Variants in MCF2L2 observed in about 807,000 individuals in gnomAD.
MCF2L2 encodes the protein probable guanine nucleotide exchange factor MCF2L2.
MCF2L2 carries 102 observed loss-of-function variants against 150.2 expected under a neutral mutation model. The observed-to-expected ratio is 0.68, with a 90% CI of 0.58 to 0.80. The LOEUF (loss-of-function observed/expected upper bound fraction) is 0.80, where lower values mean the gene tolerates loss of function less well. Ranked by LOEUF, MCF2L2 falls within the 30% of genes least tolerant of loss-of-function variation. The pLI is 0.00. For synonymous variants in MCF2L2, 465 were observed against 491.3 expected, an observed-to-expected ratio of 0.95 and a Z score of 0.71; for missense variants, 1,256 against 1,372.8, an observed-to-expected ratio of 0.91 and a Z score of 1.34.
rs143744328 is a variant in MCF2L2, at chr3:183,349,146, A to G, written c.276-7516T>C. Among the ~76,000 whole-genome samples the G allele has an allele frequency of 8.5e-3, 1,301 of 152,358 alleles. 11 individuals are homozygous for G. The highest frequency in any genetic ancestry group is 0.034 in the Middle Eastern group (10 of 294). On this transcript the variant is annotated intron_variant, in intron 3 of 29. Transcript: ENST00000328913. ...GTGCACTTCTGATCACCATGGAATT[A>G]AACTGGAACTCTACTATTCCTCTCT... is the stretch of plus-strand genomic sequence containing the variant.
intron 8 of MCF2L2, 93 bp downstream of exon 8, chr3:183,311,555 A>G (rs942104278): frequency 1.4e-6 from 2 of 1,436,156 alleles, no homozygotes; most frequent in Non-Finnish European, 1.9e-6. Context: ...CCAAGACCCA[A>G]TATTGGCTGT....
intron 15 of MCF2L2, among the ~76,000 whole-genome samples, chr3:183,248,218 C>T (rs1724346109): frequency 6.6e-6 from 1 of 151,958 alleles, no homozygotes; most frequent in Non-Finnish European, 1.5e-5. Flanking sequence ...TCTGCAGAGC[C>T]AATTAGGTAT....
intron 15 of MCF2L2, among the ~76,000 whole-genome samples, chr3:183,234,743 T>A (rs1361613400): frequency 7.9e-6 from 1 of 126,610 alleles, no homozygotes; most frequent in East Asian, 2.3e-4. Flanking sequence ...CATGTGCACA[T>A]TGTGCAGGTT....
chr3:183,352,993 G>A (rs573155289), intron 3 of MCF2L2, among the ~76,000 whole-genome samples: 1 of 152,266 alleles, frequency 6.6e-6, no homozygotes, highest in Admixed American at 6.5e-5. Context: ...TCCGCTTCGA[G>A]GTAACGATGA....
intron 15 of MCF2L2, among the ~76,000 whole-genome samples, chr3:183,234,077 G>A (rs942440706): frequency 7.2e-5 from 11 of 152,060 alleles, no homozygotes; most frequent in Non-Finnish European, 1.2e-4. Flanking sequence ...TAAATCACCC[G>A]GAAACAACAA....
At chr3:183,357,518 C>T (rs1167446939) in intron 3 of MCF2L2, among the ~76,000 whole-genome samples, 2 of 152,170 alleles carry the variant, frequency 1.3e-5, no homozygotes, top group East Asian at 1.9e-4. Flanking sequence ...TCAGCACTGA[C>T]GTGACACCAA....
At chr3:183,410,349 C>T (rs531425116) in intron 1 of MCF2L2, among the ~76,000 whole-genome samples, 11 of 152,280 alleles carry the variant, frequency 7.2e-5, no homozygotes, top group Non-Finnish European at 1.5e-4. Flanking sequence ...CATATTGGGC[C>T]TTGAACTCCC....
At chr3:183,327,442 G>A (rs762822272) in intron 5 of MCF2L2, among the ~76,000 whole-genome samples, 28 of 152,290 alleles carry the variant, frequency 1.8e-4, no homozygotes, top group Non-Finnish European at 3.4e-4. Flanking sequence ...CACAAAGGAC[G>A]GCAAAAACTA....
chr3:183,332,012 C>G (rs139359781), intron 5 of MCF2L2, among the ~76,000 whole-genome samples: 2 of 152,126 alleles, frequency 1.3e-5, no homozygotes, highest in Non-Finnish European at 2.9e-5. Context: ...TCCTTTCCCC[C>G]CAACACGTGA....
intron 6 of MCF2L2, among the ~76,000 whole-genome samples, chr3:183,320,854 G>A (rs1232855106): frequency 2.0e-5 from 3 of 152,106 alleles, no homozygotes; most frequent in African/African-American, 7.2e-5. Context: ...AAGCTTAATC[G>A]TTTCAAGCTT....
chr3:183,377,443 T>A (rs1713253991), intron 3 of MCF2L2: 1 of 152,176 alleles, frequency 6.6e-6, no homozygotes, highest in Non-Finnish European at 1.5e-5. Context: ...ACAAATACCA[T>A]TTGTTTGGAA....
chr3:183,302,182 A>G (rs969112386), intron 10 of MCF2L2, among the ~76,000 whole-genome samples: 1 of 152,170 alleles, frequency 6.6e-6, no homozygotes, highest in Non-Finnish European at 1.5e-5. Context: ...GATTCTAAGA[A>G]GCTTGTGCCT....
At chr3:183,264,762 G>A (rs1354143982) in intron 15 of MCF2L2, among the ~76,000 whole-genome samples, 1 of 152,180 alleles carries the variant, frequency 6.6e-6, no homozygotes, top group Non-Finnish European at 1.5e-5. Context: ...GATTATTGCA[G>A]GGAAACTTGT....
intron 14 of MCF2L2, among the ~76,000 whole-genome samples, chr3:183,282,606 A>G (rs915228977): frequency 1.3e-5 from 2 of 152,220 alleles, no homozygotes; most frequent in Non-Finnish European, 1.5e-5. Flanking sequence ...AAAGGCAGTA[A>G]GTGTGCCAAG....
At chr3:183,349,718 G>C (rs990067679) in intron 3 of MCF2L2, among the ~76,000 whole-genome samples, 1 of 152,178 alleles carries the variant, frequency 6.6e-6, no homozygotes, top group Non-Finnish European at 1.5e-5. Flanking sequence ...AGAATAACTT[G>C]CCTGATATCA....
intron 25 of MCF2L2, among the ~76,000 whole-genome samples, chr3:183,202,236 T>G (rs1362109225): frequency 6.6e-6 from 1 of 152,192 alleles, no homozygotes; most frequent in Non-Finnish European, 1.5e-5. Context: ...ATGTGAAAAG[T>G]CTTTTCCCCA....
chr3:183,361,020 A>AAAGAG (rs1712136516), intron 3 of MCF2L2, among the ~76,000 whole-genome samples: 1 of 126,582 alleles, frequency 7.9e-6, no homozygotes, highest in African/African-American at 3.2e-5. Flanking sequence ...AAAGAAAAGA[A>AAAGAG]AAGAGAAAAG....
chr3:183,421,619 T>G lies in MCF2L2; in HGVS notation c.76+6283A>C, dbSNP rs114683214. Among the ~76,000 whole-genome samples, 691 of 152,292 alleles carry G rather than the reference T, an allele frequency of 4.5e-3. 7 individuals carry two copies. Among genetic ancestry groups the G allele is most frequent in the African/African-American group, 0.015 (644 of 41,558 alleles). ...TATTTATTGCGGCTGTACTGAAGTT[T>G]TTGCTAAATCTGACACCTGGGCTTT... On this transcript the variant is annotated intron_variant, in intron 1 of 29. Transcript: ENST00000328913.
chr3:183,207,820 C>T lies in MCF2L2; in HGVS notation c.2500G>A (p.Asp834Asn), dbSNP rs775066440. Residue 834 changes from aspartate to asparagine, a missense_variant, in exon 23 of 30, where the codon GAT (aspartate) becomes AAT (asparagine). Transcript: ENST00000328913. ...DLAAVTECPD[D>N]IGKLGKLLLH... ...AACAGCTTGCCTAGTTTTCCAATAT[C>T]GTCCTTTTGGAAACACACATACAGG... 1.9e-5 allele frequency: 30 copies of T among 1,612,466 alleles called. No individual in the cohort carries two copies. The highest frequency in any genetic ancestry group is 1.8e-4 in the South Asian group (16 of 91,036).
Sources: gnomAD v4.1 joint callset for allele counts (sites outside exome capture counted in the v4.1 genomes callset) on GRCh38, gnomAD v4.1.1 for gene constraint, MANE v1.5 for transcripts, NCBI Gene and HGNC (gene_info 2026-07-23, HGNC 2026-07-21) for gene names.